The following HPSE2 variants were observed in gnomAD, a reference collection of about 807,000 sequenced individuals.
HPSE2 encodes inactive heparanase-2.
A neutral mutation model predicts 60.5 loss-of-function variants in HPSE2; 38 were observed. The ratio of observed to expected loss-of-function variants is 0.63; its 90% CI spans 0.48 to 0.82. HPSE2 has a LOEUF of 0.82. Ranked by LOEUF, HPSE2 falls within the 40% of genes least tolerant of loss-of-function variation. The pLI, the probability that HPSE2 is intolerant of heterozygous loss-of-function variation, is 0.00. For synonymous variants in HPSE2, 295 were observed against 293.2 expected (o/e 1.01, Z -0.06); for missense variants, 713 against 740.4 (o/e 0.96, Z 0.43).
the HPSE2 span, among the ~76,000 whole-genome samples, chr10:99,255,687 G>C: frequency 1.3e-5 from 2 of 151,954 alleles, no homozygotes; most frequent in Non-Finnish European, 2.9e-5. Context: ...AGGAAACTTT[G>C]TTCATTTAAT....
chr10:99,294,289 T>G, the HPSE2 span, among the ~76,000 whole-genome samples: 51 of 149,636 alleles, frequency 3.4e-4, no homozygotes, highest in East Asian at 9.7e-4. Flanking sequence ...CATATATATA[T>G]AGAGACAGAG....
At chr10:98,736,178 C>G (rs1050522148) in intron 4 of HPSE2, among the ~76,000 whole-genome samples, 1 of 149,748 alleles carries the variant, frequency 6.7e-6, no homozygotes, top group Non-Finnish European at 1.5e-5. Context: ...CTCGCAAGAG[C>G]TGAGGATTTT....
At chr10:99,283,506 C>A in the HPSE2 span, among the ~76,000 whole-genome samples, 1,026 of 150,042 alleles carry the variant, frequency 6.8e-3, 17 homozygotes, top group African/African-American at 0.023. Flanking sequence ...CACAAAAAAT[C>A]AAAAAAAAGA....
At chr10:98,927,525 A>G (rs377672435) in intron 3 of HPSE2, among the ~76,000 whole-genome samples, 21 of 147,068 alleles carry the variant, frequency 1.4e-4, no homozygotes, top group African/African-American at 4.3e-4. Flanking sequence ...AGTCCGCATC[A>G]CCAAGGCAAT....
intron 2 of HPSE2, among the ~76,000 whole-genome samples, chr10:99,176,785 C>T (rs1847542582): frequency 6.6e-6 from 1 of 151,996 alleles, no homozygotes; most frequent in South Asian, 2.1e-4. Context: ...TAAAGATACT[C>T]CTTGAGGAGA....
At chr10:98,571,204 T>C (rs753532177) in intron 9 of HPSE2, among the ~76,000 whole-genome samples, 1 of 152,134 alleles carries the variant, frequency 6.6e-6, no homozygotes, top group East Asian at 1.9e-4. Flanking sequence ...AATAATCCTG[T>C]GGATTAAGCA....
the HPSE2 span, among the ~76,000 whole-genome samples, chr10:99,267,116 C>T: frequency 6.6e-6 from 1 of 152,046 alleles, no homozygotes; most frequent in Non-Finnish European, 1.5e-5. Flanking sequence ...CAAAAGATCA[C>T]ACTAGCTCAC....
At chr10:98,775,155 C>G (rs949655543) in intron 3 of HPSE2, among the ~76,000 whole-genome samples, 1 of 152,196 alleles carries the variant, frequency 6.6e-6, no homozygotes, top group Non-Finnish European at 1.5e-5. Flanking sequence ...CTTAGATTTC[C>G]TTTCTTTTTC....
chr10:98,728,418 G>A (rs138382518), intron 4 of HPSE2, among the ~76,000 whole-genome samples: 5,876 of 152,134 alleles, frequency 0.039, 185 homozygotes, highest in East Asian at 0.12. Context: ...AGGAGTTTGA[G>A]ACCAGCCTGG....
At chr10:98,692,700 T>G (rs1589649361) in intron 6 of HPSE2, among the ~76,000 whole-genome samples, 1 of 151,712 alleles carries the variant, frequency 6.6e-6, no homozygotes, top group South Asian at 2.1e-4. Context: ...ACCCAGGAGG[T>G]GGAGCTTGCA....
At chr10:98,744,894 T>C (rs530055011) in intron 3 of HPSE2, among the ~76,000 whole-genome samples, 42 of 152,274 alleles carry the variant, frequency 2.8e-4, no homozygotes, top group African/African-American at 9.4e-4. Context: ...ATGGAAATAC[T>C]ATGACCACTA....
chr10:99,245,265 AG>A, the HPSE2 span, among the ~76,000 whole-genome samples: 2 of 152,162 alleles, frequency 1.3e-5, no homozygotes, highest in African/African-American at 4.8e-5. Context: ...ATTTATTTGG[AG>A]TAGGGCCTGA....
chr10:99,031,475 C>G (rs1252679127), intron 3 of HPSE2, among the ~76,000 whole-genome samples: 2 of 152,116 alleles, frequency 1.3e-5, no homozygotes, highest in African/African-American at 2.4e-5. Flanking sequence ...AGTGAATACT[C>G]AAATTTCCAT....
intron 3 of HPSE2, among the ~76,000 whole-genome samples, chr10:99,070,359 A>C (rs1163423887): frequency 6.6e-6 from 1 of 152,246 alleles, no homozygotes; most frequent in Non-Finnish European, 1.5e-5. Flanking sequence ...AAAACATGAT[A>C]TGATGCTCAA....
intron 2 of HPSE2, among the ~76,000 whole-genome samples, chr10:99,145,503 G>A (rs1323757651): frequency 6.6e-6 from 1 of 151,400 alleles, no homozygotes; most frequent in Non-Finnish European, 1.5e-5. Flanking sequence ...TTAGCAGGAA[G>A]CTCTTATGCC....
chr10:99,128,469 A>G (rs1589700020), intron 3 of HPSE2, among the ~76,000 whole-genome samples: 1 of 152,212 alleles, frequency 6.6e-6, no homozygotes, highest in Non-Finnish European at 1.5e-5. Context: ...AAAATGTGGT[A>G]CAGAAGATAC....
At chr10:99,056,139 A>G (rs1485574442) in intron 3 of HPSE2, among the ~76,000 whole-genome samples, 1 of 152,108 alleles carries the variant, frequency 6.6e-6, no homozygotes, top group Non-Finnish European at 1.5e-5. Flanking sequence ...CAGATCCTAT[A>G]GACATTAAAA....
intron 3 of HPSE2, among the ~76,000 whole-genome samples, chr10:98,832,148 C>T (rs557452587): frequency 1.4e-4 from 22 of 152,200 alleles, no homozygotes; most frequent in South Asian, 2.1e-4. Flanking sequence ...GTTGGCTGTC[C>T]GCCTTGTGGT....
chr10:98,860,953 G>C (rs766107286), intron 3 of HPSE2, among the ~76,000 whole-genome samples: 14 of 152,078 alleles, frequency 9.2e-5, no homozygotes, highest in Non-Finnish European at 1.9e-4. Flanking sequence ...AGCTCATTCA[G>C]GGCAAGAAAC....
Sources: allele counts gnomAD v4.1 joint callset (sites outside exome capture counted in the v4.1 genomes callset), GRCh38; gene constraint gnomAD v4.1.1; transcripts MANE v1.5; gene names NCBI Gene and HGNC (gene_info 2026-07-23, HGNC 2026-07-21).